FSTL4: variants seen among roughly 807,000 people sequenced by gnomAD.
The protein encoded by FSTL4 is follistatin-related protein 4.
A neutral mutation model predicts 78.2 loss-of-function variants in FSTL4; 28 were observed. The observed-to-expected ratio is 0.36, with a 90% CI of 0.27 to 0.49. The LOEUF (loss-of-function observed/expected upper bound fraction) is 0.49, where lower values mean the gene tolerates loss of function less well. FSTL4 is among the 20% of genes least tolerant of loss of function. The probability of loss-of-function intolerance (pLI) is 0.98; values close to 1 mark genes in which losing one functional copy is unlikely to be tolerated. For synonymous variants in FSTL4, 422 were observed against 440.5 expected, an observed-to-expected ratio of 0.96 and a Z score of 0.53; for missense variants, 922 against 1,084.9, an observed-to-expected ratio of 0.85 and a Z score of 2.11.
the FSTL4 span, among the ~76,000 whole-genome samples, chr5:133,771,922 ACT>A: frequency 1.3e-5 from 2 of 152,166 alleles, no homozygotes; most frequent in Non-Finnish European, 2.9e-5. Context: ...TGATCATTAT[ACT>A]GTTTTCAAAT....
At chr5:133,369,481 A>G (rs369781317) in intron 4 of FSTL4, among the ~76,000 whole-genome samples, 2 of 152,122 alleles carry the variant, frequency 1.3e-5, no homozygotes, top group South Asian at 4.2e-4. Context: ...CAGTAAGGCC[A>G]ATCCCCTCTA....
intron 2 of FSTL4, among the ~76,000 whole-genome samples, chr5:133,570,358 T>C (rs924948831): frequency 6.6e-6 from 1 of 152,198 alleles, no homozygotes; most frequent in African/African-American, 2.4e-5. Flanking sequence ...AGTCTCACAC[T>C]GTGGCCCCGG....
chr5:133,524,834 T>A (rs568832093), intron 3 of FSTL4, among the ~76,000 whole-genome samples: 1 of 152,196 alleles, frequency 6.6e-6, no homozygotes, highest in Non-Finnish European at 1.5e-5. Flanking sequence ...GGCCACCCAC[T>A]GGGCACCCAC....
intron 13 of FSTL4, among the ~76,000 whole-genome samples, chr5:133,216,023 G>A (rs1750894535): frequency 6.6e-6 from 1 of 152,160 alleles, no homozygotes; most frequent in Admixed American, 6.5e-5. Flanking sequence ...GACATCCACA[G>A]GTTCTGTGGA....
At position 133,233,510 on chromosome 5, in the gene FSTL4, T is replaced by C. The variant is rs780111281; in HGVS notation, c.922A>G (p.Ile308Val). Reference sequence around the variant, plus strand: ...ATGTGGATGGTGGTCACCTTGGTGATGTACAGGGAATCATCCTCTCCAAAG... The same window carrying C: ...ATGTGGATGGTGGTCACCTTGGTGACGTACAGGGAATCATCCTCTCCAAAG... The part of the protein sequence containing the change: ...NDFGEDDSLY[I>V]TKVTTIHMGN... Residue 308 changes from isoleucine to valine, a missense_variant, in exon 8 of 16, where the codon ATC (isoleucine) becomes GTC (valine). Physicochemically the swap from Ile to Val is conservative, Grantham distance 29. Coordinates refer to ENST00000265342, the MANE Select transcript of FSTL4 (RefSeq NM_015082.2). The C allele has an allele frequency of 3.7e-6, 6 of 1,614,160 alleles. No homozygotes were observed. Among genetic ancestry groups the C allele is most frequent in the South Asian group, 2.2e-5 (2 of 91,080 alleles).
At chr5:133,838,759 G>A in the FSTL4 span, among the ~76,000 whole-genome samples, 5 of 152,228 alleles carry the variant, frequency 3.3e-5, no homozygotes, top group South Asian at 6.2e-4. Context: ...CTATGGCATA[G>A]TGTTGAAAGT....
the FSTL4 span, among the ~76,000 whole-genome samples, chr5:133,820,836 G>T: frequency 6.6e-6 from 1 of 152,122 alleles, no homozygotes; most frequent in African/African-American, 2.4e-5. Flanking sequence ...CCTCTCCCTG[G>T]GGACTTCTCA....
At chr5:133,649,808 C>T in the FSTL4 span, among the ~76,000 whole-genome samples, 1 of 152,144 alleles carries the variant, frequency 6.6e-6, no homozygotes, top group Non-Finnish European at 1.5e-5. Context: ...CTGTAGTCTG[C>T]CTTTTCATTC....
the FSTL4 span, among the ~76,000 whole-genome samples, chr5:133,702,241 T>C: frequency 6.6e-6 from 1 of 152,174 alleles, no homozygotes; most frequent in African/African-American, 2.4e-5. Flanking sequence ...TTCTTTCCTC[T>C]CAAAATCTGT....
intron 7 of FSTL4, among the ~76,000 whole-genome samples, chr5:133,237,464 G>T (rs1477001189): frequency 6.6e-6 from 1 of 152,152 alleles, no homozygotes; most frequent in African/African-American, 2.4e-5. Context: ...AGGTGCTGAG[G>T]GGTGTGTGTG....
chr5:133,358,661 G>A (rs183742800), intron 4 of FSTL4, among the ~76,000 whole-genome samples: 2 of 148,604 alleles, frequency 1.3e-5, no homozygotes, highest in East Asian at 2.0e-4. Flanking sequence ...GTGCAGTGGC[G>A]CGATCTCAGT....
chr5:133,206,219 CT>C (rs765642255), intron 14 of FSTL4, among the ~76,000 whole-genome samples: 1 of 152,064 alleles, frequency 6.6e-6, no homozygotes, highest in African/African-American at 2.4e-5. Flanking sequence ...GTAGATTTTT[CT>C]TTAAAAAATC....
intron 4 of FSTL4, among the ~76,000 whole-genome samples, chr5:133,394,939 G>A (rs1027777632): frequency 2.6e-5 from 4 of 152,184 alleles, no homozygotes; most frequent in Non-Finnish European, 5.9e-5. Context: ...CTAGCTCAAA[G>A]TTTGTAAATG....
chr5:133,230,729 TCTC>T (rs1442103954), intron 8 of FSTL4, among the ~76,000 whole-genome samples: 5 of 152,172 alleles, frequency 3.3e-5, no homozygotes, highest in Admixed American at 1.3e-4. Flanking sequence ...CTAGGCCTCT[TCTC>T]CTCCTGCGCC....
chr5:133,570,853 G>A (rs1760139613), intron 2 of FSTL4, among the ~76,000 whole-genome samples: 2 of 152,196 alleles, frequency 1.3e-5, no homozygotes, highest in Admixed American at 1.3e-4. Context: ...GACATTTGCT[G>A]TTTTGCATAG....
chr5:133,806,157 C>A, the FSTL4 span, among the ~76,000 whole-genome samples: 1 of 151,860 alleles, frequency 6.6e-6, no homozygotes, highest in African/African-American at 2.4e-5. Context: ...TGAAATGCTG[C>A]GAGGGTAGAG....
the FSTL4 span, among the ~76,000 whole-genome samples, chr5:133,748,054 C>T: frequency 6.6e-6 from 1 of 151,908 alleles, no homozygotes; most frequent in Non-Finnish European, 1.5e-5. Flanking sequence ...ATCAGCTGGG[C>T]GTGGTGGCAC....
At chr5:133,462,814 A>G (rs543339814) in intron 3 of FSTL4, among the ~76,000 whole-genome samples, 1 of 152,252 alleles carries the variant, frequency 6.6e-6, no homozygotes, top group South Asian at 2.1e-4. Flanking sequence ...CTATTCATGG[A>G]CTTGGCAATG....
In FSTL4 at chr5:133,274,380, CTTTTT is replaced by C. The variant is rs59634629; in HGVS notation, c.728-24809_728-24805del. ...ATTCTCAGAAAAAGGGCAATCTGTGCTTTTTTTTTTTTTTTTAGGAGAACAGCAAT... is the reference window on the plus strand; with the variant it reads ...ATTCTCAGAAAAAGGGCAATCTGTGCTTTTTTTTTTTAGGAGAACAGCAAT... On this transcript the variant is annotated intron_variant, in intron 6 of 15. Coordinates refer to ENST00000265342, the MANE Select transcript of FSTL4 (RefSeq NM_015082.2). 1.8e-4 allele frequency among the ~76,000 whole-genome samples: 13 copies of C among 71,032 alleles called. 2 individuals are homozygous for C. In the Admixed American group the frequency reaches 2.5e-3, roughly 13 times the overall value. The allele number at this position is 71,032 out of a possible 152,430, so 46.6% of individuals were successfully genotyped here.
Sources: allele counts gnomAD v4.1 joint callset (sites outside exome capture counted in the v4.1 genomes callset), GRCh38; gene constraint gnomAD v4.1.1; transcripts MANE v1.5; gene names NCBI Gene and HGNC (gene_info 2026-07-23, HGNC 2026-07-21).